Variants in MSANTD7 observed in about 807,000 individuals in gnomAD.
MSANTD7 encodes Myb/SANT DNA binding domain containing 7.
At chr10:14,842,678 G>A in the MSANTD7 span, 1 of 1,536,310 alleles carries the variant, frequency 6.5e-7, no homozygotes, top group South Asian at 1.2e-5. This position sits in a 1 kb window ranked among gnomAD's most constrained non-coding sequence, Gnocchi z 5.2. Flanking sequence ...TGACGCCCCA[G>A]GGGAAGAGGG....
chr10:14,844,040 A>G, the MSANTD7 span: 2 of 1,440,910 alleles, frequency 1.4e-6, no homozygotes, highest in Non-Finnish European at 1.8e-6. Context: ...AATAATTGCT[A>G]GTTCATTTTC....
the MSANTD7 span, among the ~76,000 whole-genome samples, chr10:14,841,446 A>ATGTTTG: frequency 6.6e-6 from 1 of 152,186 alleles, no homozygotes; most frequent in South Asian, 2.1e-4. Context: ...TGTAAGAAAT[A>ATGTTTG]ATACAGAGAC....
the MSANTD7 span, chr10:14,846,835 G>C: frequency 1.0e-6 from 1 of 985,276 alleles, no homozygotes; most frequent in Non-Finnish European, 1.2e-6. Flanking sequence ...GGAGGAGGAA[G>C]AGAAGATGGC....
chr10:14,841,001 T>C, the MSANTD7 span, among the ~76,000 whole-genome samples: 1 of 152,214 alleles, frequency 6.6e-6, no homozygotes, highest in Non-Finnish European at 1.5e-5. Context: ...GGTTCTTTTC[T>C]TTCAACTTTG....
chr10:14,840,203 T>A, the MSANTD7 span: 11 of 951,866 alleles, frequency 1.2e-5, 1 homozygote, highest in South Asian at 2.9e-4. Flanking sequence ...AGGAACATGT[T>A]CATAAATTCT....
the MSANTD7 span, chr10:14,838,582 G>T: frequency 8.4e-6 from 8 of 947,320 alleles, no homozygotes; most frequent in African/African-American, 1.0e-4. Context: ...TGGCGTTGCC[G>T]CGAGGACACT....
the MSANTD7 span, chr10:14,844,748 ATAT>A: frequency 1.5e-5 from 15 of 972,302 alleles, no homozygotes; most frequent in Non-Finnish European, 1.8e-5. Flanking sequence ...TTTGCATTTC[ATAT>A]TATTTGGGTC....
At chr10:14,838,883 G>A in the MSANTD7 span, among the ~76,000 whole-genome samples, 1 of 152,244 alleles carries the variant, frequency 6.6e-6, no homozygotes, top group South Asian at 2.1e-4. Context: ...AAGGGGTCTC[G>A]CTGACGTCAG....
At chr10:14,838,503 C>T in the MSANTD7 span, 4 of 1,540,994 alleles carry the variant, frequency 2.6e-6, no homozygotes, top group African/African-American at 1.4e-5. Context: ...GACGGCCACC[C>T]GGTTTTCTGG....
chr10:14,838,507 T>G, the MSANTD7 span: 1 of 1,530,182 alleles, frequency 6.5e-7, no homozygotes, highest in Non-Finnish European at 8.8e-7. Flanking sequence ...GCCACCCGGT[T>G]TTCTGGCGCT....
the MSANTD7 span, chr10:14,845,595 A>ATT: frequency 3.3e-6 from 3 of 909,116 alleles, no homozygotes; most frequent in African/African-American, 3.7e-5. Flanking sequence ...TTCTATTATT[A>ATT]TTATTTTTTT....
At chr10:14,842,246 G>A in the MSANTD7 span, 2 of 1,535,536 alleles carry the variant, frequency 1.3e-6, no homozygotes. This position sits in a 1 kb window ranked among gnomAD's most constrained non-coding sequence, Gnocchi z 5.2. Context: ...CTTGCACCTT[G>A]CTGTCCAGAA....
At chr10:14,839,841 G>T in the MSANTD7 span, 5 of 1,185,172 alleles carry the variant, frequency 4.2e-6, no homozygotes, top group African/African-American at 3.0e-5. Context: ...AGTAACACTG[G>T]TGCACAAATG....
the MSANTD7 span, chr10:14,843,478 CCCAGCCCCTGCA>C: frequency 6.4e-7 from 1 of 1,550,560 alleles, no homozygotes; most frequent in South Asian, 1.2e-5. Context: ...GTCCGGGGAG[CCCAGCCCCTGCA>C]CCAGCACCAA....
the MSANTD7 span, chr10:14,844,620 T>C: frequency 1.0e-6 from 1 of 985,340 alleles, no homozygotes; most frequent in East Asian, 1.1e-4. Context: ...CTTAGTCTCC[T>C]ATCAATATAA....
chr10:14,844,364 A>G, the MSANTD7 span: 54 of 1,025,592 alleles, frequency 5.3e-5, no homozygotes, highest in Non-Finnish European at 6.1e-5. Context: ...TTGGTTTACA[A>G]GATACAGAAG....
the MSANTD7 span, among the ~76,000 whole-genome samples, chr10:14,839,622 A>G: frequency 6.6e-6 from 1 of 152,070 alleles, no homozygotes; most frequent in Non-Finnish European, 1.5e-5. Flanking sequence ...AGAGGTAGGA[A>G]AGGTAACGTA....
the MSANTD7 span, chr10:14,845,374 T>G: frequency 1.0e-6 from 1 of 985,374 alleles, no homozygotes; most frequent in Non-Finnish European, 1.2e-6. Context: ...AGTGCTTAGC[T>G]AAATGCTGGA....
At chr10:14,845,293 A>C in the MSANTD7 span, 1 of 985,450 alleles carries the variant, frequency 1.0e-6, no homozygotes, top group East Asian at 1.1e-4. Context: ...TTTTCCAATA[A>C]TCTAGAAGTT....
Sources: gnomAD v4.1 joint callset for allele counts (sites outside exome capture counted in the v4.1 genomes callset) on GRCh38, gnomAD v4.1.1 for gene constraint, Gnocchi (gnomAD v3.1) non-coding constraint, MANE v1.5 for transcripts, NCBI Gene and HGNC (gene_info 2026-07-23, HGNC 2026-07-21) for gene names.